The following GALNT10 variants were observed in gnomAD, a reference collection of about 807,000 sequenced individuals.
The protein encoded by GALNT10 is polypeptide N-acetylgalactosaminyltransferase 10.
In GALNT10, 41 loss-of-function variants were observed where a neutral mutation model predicts 75.0. The observed-to-expected ratio is 0.55, with a 90% CI of 0.43 to 0.71. GALNT10 has a LOEUF of 0.71. Ranked by LOEUF, GALNT10 falls within the 30% of genes least tolerant of loss-of-function variation. GALNT10 has a pLI of 0.00. For synonymous variants in GALNT10, 302 were observed against 313.0 expected (o/e 0.96, Z 0.37); for missense variants, 727 against 818.5 (o/e 0.89, Z 1.36).
chr5:154,219,838 T>A (rs7706838), intron 1 of GALNT10, among the ~76,000 whole-genome samples: 48,480 of 124,694 alleles, frequency 0.39, 10,075 homozygotes, highest in East Asian at 0.83. Context: ...TCTCTCTCTC[T>A]CACACACACA....
intron 9 of GALNT10, among the ~76,000 whole-genome samples, chr5:154,411,944 C>A (rs1186585714): frequency 6.6e-6 from 1 of 152,152 alleles, no homozygotes; most frequent in African/African-American, 2.4e-5. Flanking sequence ...GTCCAGACTG[C>A]AGTAAAGCTG....
chr5:154,220,745 G>A (rs145927358), intron 1 of GALNT10, among the ~76,000 whole-genome samples: 115 of 145,348 alleles, frequency 7.9e-4, no homozygotes, highest in Middle Eastern at 7.3e-3. Flanking sequence ...TGGGTGAGGA[G>A]TGGTCTGGAC....
At chr5:154,245,622 A>G (rs958349293) in intron 1 of GALNT10, among the ~76,000 whole-genome samples, 1 of 151,906 alleles carries the variant, frequency 6.6e-6, no homozygotes, top group African/African-American at 2.4e-5. Context: ...ATATATTAAT[A>G]CATTAATATA....
intron 1 of GALNT10, among the ~76,000 whole-genome samples, chr5:154,237,681 GC>G (rs1753267424): frequency 6.6e-6 from 1 of 152,286 alleles, no homozygotes; most frequent in African/African-American, 2.4e-5. Flanking sequence ...TTTTTGAGGA[GC>G]CCTGGCCAAG....
At chr5:154,254,767 G>T (rs1751678944) in intron 1 of GALNT10, among the ~76,000 whole-genome samples, 1 of 152,114 alleles carries the variant, frequency 6.6e-6, no homozygotes, top group Admixed American at 6.6e-5. Flanking sequence ...ACTTTTGGCT[G>T]CAAGTAACAG....
At chr5:154,234,907 TAGG>T (rs755923422) in intron 1 of GALNT10, among the ~76,000 whole-genome samples, 4 of 152,182 alleles carry the variant, frequency 2.6e-5, no homozygotes, top group Non-Finnish European at 5.9e-5. Flanking sequence ...AAGTACCAGA[TAGG>T]AGGAGAGTGG....
chr5:154,412,719 T>G lies in GALNT10; in HGVS notation c.1387-170T>G. On this transcript the variant is annotated intron_variant, in intron 9 of 11. Coordinates refer to ENST00000297107, the MANE Select transcript of GALNT10 (RefSeq NM_198321.4). This position sits in a 1 kb window ranked among gnomAD's most constrained non-coding sequence, Gnocchi z 4.2. The stretch of plus-strand genomic sequence containing the variant: ...TACATTCTGTGGACTGAGTCTTCCT[T>G]CATTGAGAGGCTCAAGGTACTTCCA... 2 of 648,750 alleles carry G rather than the reference T, an allele frequency of 3.1e-6. No homozygotes were observed. Among genetic ancestry groups the G allele is most frequent in the Non-Finnish European group, 5.6e-6 (2 of 358,392 alleles). The allele number at this position is 648,750 out of a possible 1,614,324, so 40.2% of individuals were successfully genotyped here. A position where few individuals can be genotyped will look rare whatever the true frequency, so the allele number is the denominator to read the frequency against.
rs546184390 is a variant in GALNT10, at chr5:154,412,223, A to G, written c.1387-666A>G. Among the ~76,000 whole-genome samples, 7 of 152,316 alleles carry G rather than the reference A, an allele frequency of 4.6e-5. No individual in the cohort carries two copies. Among genetic ancestry groups the G allele is most frequent in the Middle Eastern group, 3.4e-3 (1 of 294 alleles). ...TGTAAGGTTGGAACTACATGATGTG[A>G]CGCTATGCACCTAGCACAATGGCCT... On this transcript the variant is annotated intron_variant, in intron 9 of 11. Coordinates refer to ENST00000297107, the MANE Select transcript of GALNT10 (RefSeq NM_198321.4). The surrounding 1 kb of genome is among the most constrained non-coding windows in gnomAD (Gnocchi z 4.2).
At chr5:154,258,158 A>T (rs1481033982) in intron 1 of GALNT10, among the ~76,000 whole-genome samples, 1 of 152,196 alleles carries the variant, frequency 6.6e-6, no homozygotes, top group Non-Finnish European at 1.5e-5. Flanking sequence ...GAATTGATTC[A>T]GGCTACTATC....
chr5:154,306,182 T>C (rs1216578346), intron 3 of GALNT10, among the ~76,000 whole-genome samples: 1 of 152,124 alleles, frequency 6.6e-6, no homozygotes, highest in Non-Finnish European at 1.5e-5. Flanking sequence ...TATGACCTAA[T>C]TGACATTTAT....
At chr5:154,232,402 T>G (rs528608167) in intron 1 of GALNT10, among the ~76,000 whole-genome samples, 3 of 152,350 alleles carry the variant, frequency 2.0e-5, no homozygotes, top group African/African-American at 7.2e-5. Flanking sequence ...GGCTAATGCC[T>G]GCTATGTGCC....
intron 3 of GALNT10, among the ~76,000 whole-genome samples, chr5:154,326,464 A>G (rs1754758540): frequency 6.6e-6 from 1 of 152,250 alleles, no homozygotes; most frequent in African/African-American, 2.4e-5. Context: ...TATTCATGTT[A>G]TTCATAATAG....
chr5:154,190,995 G>A lies in GALNT10; in HGVS notation c.129G>A (p.Ser43=). ...ERQPDGTPGG[S]GAAVAPAAGQ... The stretch of plus-strand genomic sequence containing the variant: ...AGCCCGACGGCACCCCTGGGGGATC[G>A]GGGGCGGCGGTGGCGCCGGCGGCGG... Residue 43 remains serine, a synonymous_variant, in exon 1 of 12, where the codon TCG becomes TCA. Transcript: ENST00000297107. The A allele has an allele frequency of 6.7e-7, 1 of 1,486,974 alleles. No homozygotes were observed. Among genetic ancestry groups the A allele is most frequent in the East Asian group, 2.7e-5 (1 of 37,638 alleles). 92.1% of individuals were successfully genotyped at this position (1,486,974 alleles called of 1,614,324 possible).
chr5:154,294,091 GC>G (rs1754239095), intron 1 of GALNT10, among the ~76,000 whole-genome samples: 1 of 152,198 alleles, frequency 6.6e-6, no homozygotes, highest in South Asian at 2.1e-4. Flanking sequence ...TGTAATCCCA[GC>G]ATTTTGGGAG....
intron 4 of GALNT10, chr5:154,337,484 G>A: frequency 1.4e-6 from 1 of 722,406 alleles, no homozygotes; most frequent in Non-Finnish European, 2.5e-6. Context: ...TCCTGCCACT[G>A]CCATGGCTAC....
chr5:154,373,379 A>C (rs1755604462), intron 4 of GALNT10, among the ~76,000 whole-genome samples: 1 of 152,218 alleles, frequency 6.6e-6, no homozygotes, highest in Non-Finnish European at 1.5e-5. Context: ...AAAGCGAGGC[A>C]GACATGAAGT....
intron 3 of GALNT10, among the ~76,000 whole-genome samples, chr5:154,303,041 A>G (rs1158265935): frequency 1.3e-5 from 2 of 152,168 alleles, no homozygotes; most frequent in African/African-American, 4.8e-5. Flanking sequence ...ACATACACAT[A>G]GGTATAAAAT....
intron 4 of GALNT10, among the ~76,000 whole-genome samples, chr5:154,368,552 G>A (rs569425876): frequency 1.3e-5 from 2 of 152,322 alleles, no homozygotes; most frequent in Admixed American, 1.3e-4. Context: ...TGTCTTACAA[G>A]CGGACTCATG....
chr5:154,386,204 C>T, intron 6 of GALNT10, 109 bp from the exon 7 acceptor site: 2 of 764,812 alleles, frequency 2.6e-6, no homozygotes, highest in Non-Finnish European at 4.4e-6. Flanking sequence ...GGACTGTGTT[C>T]AGGGAGCAGC....
Sources: allele counts gnomAD v4.1 joint callset (sites outside exome capture counted in the v4.1 genomes callset), GRCh38; gene constraint gnomAD v4.1.1; non-coding constraint Gnocchi (gnomAD v3.1); transcripts MANE v1.5; gene names NCBI Gene and HGNC (gene_info 2026-07-23, HGNC 2026-07-21).